Variants in DLG2 observed in about 807,000 individuals in gnomAD.
DLG2 encodes discs large MAGUK scaffold protein 2.
Under a neutral mutation model 132.5 loss-of-function variants are expected in DLG2, and 45 were observed. The ratio of observed to expected loss-of-function variants is 0.34; its 90% CI spans 0.27 to 0.44. The LOEUF is 0.44. Ranked by LOEUF, DLG2 falls within the 20% of genes least tolerant of loss-of-function variation. DLG2 has a pLI of 1.00. For missense variants in DLG2, 1,045 were observed against 1,196.9 expected (o/e 0.87, Z 1.87); for synonymous variants, 424 against 419.6 (o/e 1.01, Z -0.13).
chr11:84,383,928 C>T (rs2098758195), intron 7 of DLG2, among the ~76,000 whole-genome samples: 1 of 151,922 alleles, frequency 6.6e-6, no homozygotes, highest in African/African-American at 2.4e-5. Context: ...AATGCATTAA[C>T]AGCCCAAGAT....
chr11:84,415,336 A>C (rs1411462221), intron 7 of DLG2, among the ~76,000 whole-genome samples: 1 of 152,170 alleles, frequency 6.6e-6, no homozygotes, highest in Non-Finnish European at 1.5e-5. Flanking sequence ...TTTATTAAGC[A>C]TTCTTTCTGG....
intron 6 of DLG2, among the ~76,000 whole-genome samples, chr11:84,578,830 G>A (rs2099509573): frequency 6.6e-6 from 1 of 152,148 alleles, no homozygotes; most frequent in Admixed American, 6.5e-5. Context: ...ATATGGCTTG[G>A]CTGTGACCCT....
At chr11:83,633,071 T>C (rs1209194814) in intron 19 of DLG2, 140 bp downstream of exon 19, 1 of 669,174 alleles carries the variant, frequency 1.5e-6, no homozygotes, top group Non-Finnish European at 2.6e-6. Flanking sequence ...TTCCAAATGC[T>C]TAAACACAAG....
chr11:85,487,721 G>A (rs1204360130), intron 3 of DLG2, among the ~76,000 whole-genome samples: 1 of 152,120 alleles, frequency 6.6e-6, no homozygotes, highest in Non-Finnish European at 1.5e-5. Flanking sequence ...AGTTCCAAGG[G>A]TGAAGAGAGA....
intron 6 of DLG2, among the ~76,000 whole-genome samples, chr11:85,011,032 T>C (rs528483617): frequency 4.6e-5 from 7 of 152,166 alleles, no homozygotes; most frequent in Non-Finnish European, 1.0e-4. Context: ...TCCCACCCAT[T>C]TGAAGACTGT....
intron 18 of DLG2, among the ~76,000 whole-genome samples, chr11:83,736,118 C>G (rs184728152): frequency 6.6e-6 from 1 of 152,296 alleles, no homozygotes; most frequent in African/African-American, 2.4e-5. Context: ...ATTTTAATAA[C>G]TCTGCCTATG....
rs372331224 is a variant in DLG2 at position 84,631,018 on chromosome 11, TCACACACACACA to T, written c.358-96299_358-96288del. Among the ~76,000 whole-genome samples the T allele has an allele frequency of 5.1e-3, 480 of 94,226 alleles. 5 individuals are homozygous for T. Among genetic ancestry groups the T allele is most frequent in the African/African-American group, 0.016 (348 of 21,880 alleles). 61.8% of individuals were successfully genotyped at this position (94,226 alleles called of 152,430 possible). ...CTCTCTCTCTCTCTCTCTCTCTCTC[TCACACACACACA>T]CACACACACACACACACACACACAC... On this transcript the variant is annotated intron_variant, in intron 6 of 27. Transcript: ENST00000376104.
At chr11:84,736,428 G>A (rs1245768309) in intron 6 of DLG2, among the ~76,000 whole-genome samples, 2 of 151,464 alleles carry the variant, frequency 1.3e-5, no homozygotes, top group Non-Finnish European at 3.0e-5. Flanking sequence ...AATTTCAACT[G>A]GAATTTTGAT....
intron 15 of DLG2, among the ~76,000 whole-genome samples, chr11:83,882,354 A>G (rs2066515530): frequency 6.6e-6 from 1 of 152,244 alleles, no homozygotes; most frequent in South Asian, 2.1e-4. Context: ...GTAAGATTGT[A>G]CTAATGATAA....
chr11:85,040,060 C>A lies in DLG2; in HGVS notation c.357+71601G>T, dbSNP rs561952698. Among the ~76,000 whole-genome samples, 42 of 151,930 alleles carry A rather than the reference C, an allele frequency of 2.8e-4. No homozygotes were observed. The South Asian group carries it at 8.7e-3, about 31-fold the overall frequency. ...AAAATCGTGCTATAGATCCCAAATT[C>A]AAAAATGCTCTGTAACTTATTCAAT... On this transcript the variant is annotated intron_variant, in intron 6 of 27. Coordinates refer to ENST00000376104, the MANE Select transcript of DLG2 (RefSeq NM_001142699.3).
intron 5 of DLG2, among the ~76,000 whole-genome samples, chr11:85,127,480 C>T (rs1365660216): frequency 6.6e-6 from 1 of 152,110 alleles, no homozygotes; most frequent in Non-Finnish European, 1.5e-5. Flanking sequence ...TATTCATTTT[C>T]TTATCAGACA....
At chr11:84,480,957 T>C (rs2099135737) in intron 7 of DLG2, among the ~76,000 whole-genome samples, 1 of 152,082 alleles carries the variant, frequency 6.6e-6, no homozygotes, top group African/African-American at 2.4e-5. Context: ...CAGGCTGATC[T>C]GGAACTCCTT....
At chr11:84,661,883 C>T (rs1398294292) in intron 6 of DLG2, among the ~76,000 whole-genome samples, 1 of 152,128 alleles carries the variant, frequency 6.6e-6, no homozygotes, top group African/African-American at 2.4e-5. Context: ...GACAACTCAT[C>T]TCAAGTTTCC....
intron 19 of DLG2, among the ~76,000 whole-genome samples, chr11:83,605,153 A>T (rs2059161845): frequency 1.3e-5 from 2 of 152,154 alleles, no homozygotes; most frequent in Admixed American, 6.5e-5. Flanking sequence ...TGCCCAATTC[A>T]ATTTTGTTTC....
chr11:84,596,435 C>T (rs1262847457), intron 6 of DLG2, among the ~76,000 whole-genome samples: 3 of 148,790 alleles, frequency 2.0e-5, no homozygotes, highest in African/African-American at 7.4e-5. Context: ...GTTGGCCAGG[C>T]TCCTCTCGAA....
Position 83,659,079 on chromosome 11 carries a change from C to A in DLG2, c.1826-25754G>T, listed in dbSNP as rs79443071. Among the ~76,000 whole-genome samples, 969 of 152,250 alleles carry A rather than the reference C, an allele frequency of 6.4e-3. 9 individuals carry two copies. The highest frequency in any genetic ancestry group is 0.022 in the African/African-American group (924 of 41,506). Reference sequence around the variant, plus strand: ...TATTCTGTACTTCCATATCTCAGTGCCTGTCGTAGTTTCTGATACACATAA... The same window carrying A: ...TATTCTGTACTTCCATATCTCAGTGACTGTCGTAGTTTCTGATACACATAA... On this transcript the variant is annotated intron_variant, in intron 18 of 27. Coordinates refer to ENST00000376104, the MANE Select transcript of DLG2 (RefSeq NM_001142699.3).
intron 6 of DLG2, among the ~76,000 whole-genome samples, chr11:84,556,920 T>A (rs919612378): frequency 1.3e-5 from 2 of 152,166 alleles, no homozygotes; most frequent in Admixed American, 6.5e-5. Context: ...TGTAACAAAC[T>A]TCCTCATAAC....
intron 3 of DLG2, among the ~76,000 whole-genome samples, chr11:85,429,403 T>A (rs377715733): frequency 6.6e-6 from 1 of 151,848 alleles, no homozygotes; most frequent in African/African-American, 2.4e-5. Flanking sequence ...CAAAAGAAAA[T>A]ACCATCAGAG....
At chr11:83,858,613 A>G (rs185377254) in intron 16 of DLG2, among the ~76,000 whole-genome samples, 45 of 152,160 alleles carry the variant, frequency 3.0e-4, no homozygotes, top group African/African-American at 1.1e-3. Flanking sequence ...TTTGCCCCAC[A>G]ATGGCTATGG....
Sources: allele counts gnomAD v4.1 joint callset (sites outside exome capture counted in the v4.1 genomes callset), GRCh38; gene constraint gnomAD v4.1.1; transcripts MANE v1.5; gene names NCBI Gene and HGNC (gene_info 2026-07-23, HGNC 2026-07-21).